The following SLC5A8 variants were observed in gnomAD, a reference collection of about 807,000 sequenced individuals.
SLC5A8 encodes sodium-coupled monocarboxylate transporter 1.
In SLC5A8, 55 loss-of-function variants were observed where a neutral mutation model predicts 71.9. The ratio of observed to expected loss-of-function variants is 0.77; its 90% CI spans 0.62 to 0.96. The LOEUF is 0.96. Ranked by LOEUF, SLC5A8 falls within the 40% of genes least tolerant of loss-of-function variation. The probability of loss-of-function intolerance (pLI) is 0.00; values close to 1 mark genes in which losing one functional copy is unlikely to be tolerated. For missense variants in SLC5A8, 701 were observed against 745.3 expected (o/e 0.94, Z 0.69); for synonymous variants, 307 against 276.1 (o/e 1.11, Z -1.11).
intron 7 of SLC5A8, 35 bp from the exon 8 acceptor site, chr12:101,184,257 C>T (rs774273128): frequency 1.6e-5 from 25 of 1,540,382 alleles, no homozygotes; most frequent in African/African-American, 1.1e-4. Context: ...CAAGTACTTT[C>T]GCTACTGAAT....
chr12:101,208,549 A>G (rs1869773991), intron 1 of SLC5A8, among the ~76,000 whole-genome samples: 2 of 150,478 alleles, frequency 1.3e-5, no homozygotes, highest in African/African-American at 4.9e-5. Flanking sequence ...CCTCCCATTC[A>G]ACAGCTCTTT....
intron 7 of SLC5A8, 30 bp from the exon 8 acceptor site, chr12:101,184,252 A>C (rs2137147591): frequency 6.4e-7 from 1 of 1,551,512 alleles, no homozygotes; most frequent in East Asian, 2.2e-5. Context: ...ATTTCCAAGT[A>C]CTTTCGCTAC....
chr12:101,166,241 A>C (rs2051768469), intron 12 of SLC5A8, among the ~76,000 whole-genome samples: 1 of 152,228 alleles, frequency 6.6e-6, no homozygotes, highest in South Asian at 2.1e-4. Flanking sequence ...GAGAGTTTAC[A>C]CATAACAGAA....
rs1423397272 is a variant in SLC5A8, at chr12:101,162,042, T to C, written c.1562A>G (p.Tyr521Cys). Residue 521 changes from tyrosine (Y) to cysteine (C), a missense_variant, in exon 13 of 15, where the codon TAT becomes TGT. Tyr to Cys is a radical substitution (Grantham distance 194, BLOSUM62 -2). Coordinates refer to ENST00000536262, the MANE Select transcript of SLC5A8 (RefSeq NM_145913.5). ...PLMDNWYSLS[Y>C]LYFSTVGTLV... Reference sequence around the variant, plus strand: ...AGTTCCAACAGTGCTGAAGTACAGATATGATAAAGAATACCAGTTATCCAT... The same window carrying C: ...AGTTCCAACAGTGCTGAAGTACAGACATGATAAAGAATACCAGTTATCCAT... 2 of 1,613,802 alleles carry C rather than the reference T, an allele frequency of 1.2e-6. No individual in the cohort carries two copies. Among genetic ancestry groups the C allele is most frequent in the Non-Finnish European group, 1.7e-6 (2 of 1,179,832 alleles).
rs1056936379 is a variant in SLC5A8 at position 101,166,830 on chromosome 12, CT to C, written c.1321-132del. On this transcript the variant is annotated intron_variant, in intron 11 of 14. Coordinates refer to ENST00000536262, the MANE Select transcript of SLC5A8 (RefSeq NM_145913.5). Reference sequence around the variant, plus strand: ...CAAGGGCAGAAACATTCAACGCTCTCTCCTCCCAAGATAGTGCTCAGCCCAT... The same window carrying C: ...CAAGGGCAGAAACATTCAACGCTCTCCCTCCCAAGATAGTGCTCAGCCCAT... 79 of 749,008 alleles carry C rather than the reference CT, an allele frequency of 1.1e-4. No individual in the cohort carries two copies. In the Middle Eastern group the frequency reaches 1.7e-3, roughly 16 times the overall value. The allele number at this position is 749,008 out of a possible 1,614,324, so 46.4% of individuals were successfully genotyped here.
At chr12:101,170,872 T>C (rs1419900048) in intron 10 of SLC5A8, among the ~76,000 whole-genome samples, 2 of 152,178 alleles carry the variant, frequency 1.3e-5, no homozygotes, top group Non-Finnish European at 1.5e-5. Flanking sequence ...TTCCACCCTG[T>C]GGTGCTCGCG....
chr12:101,166,437 T>G (rs924823701), intron 12 of SLC5A8, 57 bp downstream of exon 12: 4 of 1,452,488 alleles, frequency 2.8e-6, no homozygotes, highest in Non-Finnish European at 3.7e-6. Flanking sequence ...CAAGTGGGGT[T>G]CTCTACTTGT....
intron 10 of SLC5A8, among the ~76,000 whole-genome samples, chr12:101,176,622 A>G (rs953445214): frequency 2.0e-5 from 3 of 152,100 alleles, no homozygotes; most frequent in Non-Finnish European, 4.4e-5. Flanking sequence ...CTAGTAATCA[A>G]TAACAGAAAG....
intron 10 of SLC5A8, among the ~76,000 whole-genome samples, chr12:101,178,218 T>C (rs2051898953): frequency 6.6e-6 from 1 of 152,158 alleles, no homozygotes; most frequent in Admixed American, 6.5e-5. Flanking sequence ...ATGGTAAAGA[T>C]GTCATTTCTT....
intron 2 of SLC5A8, among the ~76,000 whole-genome samples, chr12:101,204,036 C>T (rs764092377): frequency 1.3e-5 from 2 of 152,144 alleles, no homozygotes; most frequent in South Asian, 2.1e-4. Flanking sequence ...TTTTAAAGTA[C>T]GATTTCAAAG....
intron 7 of SLC5A8, 93 bp downstream of exon 7, chr12:101,187,293 G>A (rs1868686264): frequency 3.8e-5 from 51 of 1,359,500 alleles, no homozygotes; most frequent in Admixed American, 7.9e-5. Flanking sequence ...TCCACTTTCC[G>A]TTTCTCTACA....
At chr12:101,177,644 T>TA (rs2051893442) in intron 10 of SLC5A8, among the ~76,000 whole-genome samples, 1 of 152,108 alleles carries the variant, frequency 6.6e-6, no homozygotes, top group Admixed American at 6.6e-5. Flanking sequence ...GGTTCTGCAT[T>TA]AAAAAACCAA....
chr12:101,195,656 G>A (rs1338548435), intron 3 of SLC5A8, among the ~76,000 whole-genome samples: 2 of 150,576 alleles, frequency 1.3e-5, no homozygotes, highest in Non-Finnish European at 2.9e-5. Flanking sequence ...GCAGATTGCG[G>A]ATCTGATTTC....
chr12:101,185,318 T>C (rs1868582628), intron 7 of SLC5A8, among the ~76,000 whole-genome samples: 1 of 152,178 alleles, frequency 6.6e-6, no homozygotes, highest in Admixed American at 6.5e-5. Flanking sequence ...GTCCCACAAA[T>C]AGCAAAAGTA....
chr12:101,164,132 A>T (rs1286911569), intron 12 of SLC5A8, among the ~76,000 whole-genome samples: 1 of 152,262 alleles, frequency 6.6e-6, no homozygotes, highest in Non-Finnish European at 1.5e-5. Context: ...ATTAAAATTA[A>T]GAAATTTTGA....
intron 10 of SLC5A8, among the ~76,000 whole-genome samples, 199 bp downstream of exon 10, chr12:101,179,830 A>G (rs878893067): frequency 2.0e-5 from 3 of 152,214 alleles, no homozygotes; most frequent in African/African-American, 7.2e-5. Flanking sequence ...TCTGTATTAT[A>G]TCTCACAATT....
intron 7 of SLC5A8, among the ~76,000 whole-genome samples, chr12:101,185,579 A>ATTTT (rs1868598033): frequency 6.6e-6 from 1 of 151,770 alleles, no homozygotes; most frequent in South Asian, 2.1e-4. Flanking sequence ...GTTTTTTTGT[A>ATTTT]TTTTTTGTTT....
Position 101,157,233 on chromosome 12 carries a change from T to G in SLC5A8, c.*46A>C. 4 of 1,591,334 alleles carry G rather than the reference T, an allele frequency of 2.5e-6. No homozygotes were observed. The highest frequency in any genetic ancestry group is 3.4e-6 in the Non-Finnish European group (4 of 1,165,656). On this transcript the variant is annotated 3_prime_UTR_variant, in exon 15 of 15. Coordinates refer to ENST00000536262, the MANE Select transcript of SLC5A8 (RefSeq NM_145913.5). ...CCTGATCCAATTATCTTAGAAAACA[T>G]ATAAAATTGAAACATCATTTAAGGA...
chr12:101,167,047 G>A (rs146253611), intron 11 of SLC5A8, among the ~76,000 whole-genome samples: 65 of 151,600 alleles, frequency 4.3e-4, no homozygotes, highest in African/African-American at 1.5e-3. Flanking sequence ...TTCCGTTACC[G>A]CCCCCAGAAA....
Sources: allele counts gnomAD v4.1 joint callset (sites outside exome capture counted in the v4.1 genomes callset), GRCh38; gene constraint gnomAD v4.1.1; transcripts MANE v1.5; gene names NCBI Gene and HGNC (gene_info 2026-07-23, HGNC 2026-07-21).